KCNIP4: variants seen among roughly 807,000 people sequenced by gnomAD.
KCNIP4 encodes the protein Kv channel-interacting protein 4.
KCNIP4 carries 12 observed loss-of-function variants against 34.0 expected under a neutral mutation model. That is an observed-to-expected ratio of 0.35 (90% CI 0.23 to 0.57). KCNIP4 has a LOEUF of 0.57. Among genes scored for constraint, KCNIP4 ranks in the 20% least tolerant of loss-of-function variants. The pLI is 0.83. For synonymous variants in KCNIP4, 124 were observed against 102.2 expected (o/e 1.21, Z -1.29); for missense variants, 238 against 311.7 (o/e 0.76, Z 1.78).
chr4:21,912,968 G>T (rs1164137503), intron 1 of KCNIP4, among the ~76,000 whole-genome samples: 1 of 151,934 alleles, frequency 6.6e-6, no homozygotes, highest in Non-Finnish European at 1.5e-5. Context: ...AACTGAAGAA[G>T]ACAGGAGTGG....
chr4:20,744,405 TA>T (rs1751938113), intron 5 of KCNIP4, among the ~76,000 whole-genome samples: 1 of 151,188 alleles, frequency 6.6e-6, no homozygotes, highest in African/African-American at 2.5e-5. Context: ...GTGGCACATA[TA>T]CTGGATTAAG....
intron 1 of KCNIP4, among the ~76,000 whole-genome samples, chr4:21,131,593 G>T (rs991876555): frequency 6.6e-6 from 1 of 152,128 alleles, no homozygotes; most frequent in South Asian, 2.1e-4. Context: ...CTGGGCGACA[G>T]AAGGAGACTC....
At chr4:21,030,102 C>T (rs899195430) in intron 1 of KCNIP4, among the ~76,000 whole-genome samples, 3 of 152,172 alleles carry the variant, frequency 2.0e-5, no homozygotes, top group African/African-American at 7.2e-5. Context: ...CTGGGCTACA[C>T]AGTAAGAGGT....
chr4:21,225,042 C>T (rs1375498868), intron 1 of KCNIP4, among the ~76,000 whole-genome samples: 1 of 152,102 alleles, frequency 6.6e-6, no homozygotes, highest in Non-Finnish European at 1.5e-5. Context: ...GTGTTCTGAG[C>T]ATGTTTAAGG....
chr4:20,742,090 C>CA (rs1209553348), intron 5 of KCNIP4, among the ~76,000 whole-genome samples: 2 of 151,638 alleles, frequency 1.3e-5, no homozygotes, highest in Non-Finnish European at 2.9e-5. Context: ...GCCTGCCAAC[C>CA]AAAAAAAAGT....
At chr4:20,864,407 A>G (rs1015348809) in intron 2 of KCNIP4, among the ~76,000 whole-genome samples, 1 of 151,140 alleles carries the variant, frequency 6.6e-6, no homozygotes, top group African/African-American at 2.4e-5. Context: ...TATATATAAC[A>G]TATATATACA....
intron 1 of KCNIP4, among the ~76,000 whole-genome samples, chr4:21,523,497 C>A (rs563104834): frequency 3.0e-4 from 45 of 152,196 alleles, no homozygotes; most frequent in Non-Finnish European, 4.0e-4. Flanking sequence ...AATATTCACT[C>A]ATCTTTTTCT....
intron 1 of KCNIP4, among the ~76,000 whole-genome samples, chr4:21,185,500 T>C (rs565278350): frequency 6.6e-6 from 1 of 152,076 alleles, no homozygotes; most frequent in Admixed American, 6.6e-5. Context: ...CTTCTCCTTT[T>C]TCTCTTTTTC....
intron 1 of KCNIP4, among the ~76,000 whole-genome samples, chr4:21,630,351 G>C (rs1467347817): frequency 6.6e-6 from 1 of 151,628 alleles, no homozygotes; most frequent in Non-Finnish European, 1.5e-5. Flanking sequence ...TGTCATCCTA[G>C]CTACTGTGGA....
chr4:21,238,899 C>A (rs1331262831), intron 1 of KCNIP4, among the ~76,000 whole-genome samples: 2 of 152,102 alleles, frequency 1.3e-5, no homozygotes, highest in Non-Finnish European at 2.9e-5. Flanking sequence ...GGAACCAAAA[C>A]AGAGCCCACA....
chr4:21,731,046 CA>C (rs1715555463), intron 1 of KCNIP4, among the ~76,000 whole-genome samples: 1 of 149,174 alleles, frequency 6.7e-6, no homozygotes, highest in Non-Finnish European at 1.5e-5. Flanking sequence ...CCTAGGAAGT[CA>C]AGACTGCAGT....
chr4:21,265,956 G>T (rs1360198638), intron 1 of KCNIP4, among the ~76,000 whole-genome samples: 2 of 152,190 alleles, frequency 1.3e-5, no homozygotes, highest in South Asian at 2.1e-4. Flanking sequence ...ACAATTTCTT[G>T]AGCACTTGCT....
At chr4:21,510,654 C>T (rs899001491) in intron 1 of KCNIP4, among the ~76,000 whole-genome samples, 7 of 151,978 alleles carry the variant, frequency 4.6e-5, no homozygotes, top group Non-Finnish European at 1.0e-4. Context: ...GCCTCAGTTT[C>T]CTCATCTCTA....
intron 1 of KCNIP4, among the ~76,000 whole-genome samples, chr4:21,430,181 T>C (rs961085648): frequency 2.0e-5 from 3 of 152,168 alleles, no homozygotes; most frequent in Non-Finnish European, 4.4e-5. Flanking sequence ...ACATATCTTT[T>C]ATCTTAATGA....
intron 1 of KCNIP4, among the ~76,000 whole-genome samples, chr4:21,273,332 C>A (rs1425344): frequency 6.6e-6 from 1 of 151,914 alleles, no homozygotes; most frequent in Non-Finnish European, 1.5e-5. Context: ...ACAGTATGTT[C>A]GGAGGAGGCA....
intron 6 of KCNIP4, among the ~76,000 whole-genome samples, chr4:20,734,281 T>G (rs2149272331): frequency 6.6e-6 from 1 of 152,304 alleles, no homozygotes; most frequent in South Asian, 2.1e-4. Flanking sequence ...TCCTTATGGA[T>G]CACATGCTGT....
chr4:21,938,546 A>T (rs1730017845), intron 1 of KCNIP4, among the ~76,000 whole-genome samples: 1 of 152,168 alleles, frequency 6.6e-6, no homozygotes, highest in Non-Finnish European at 1.5e-5. Flanking sequence ...ATTATACACG[A>T]TTCTGTATTA....
chr4:21,532,405 T>C (rs1050527870), intron 1 of KCNIP4, among the ~76,000 whole-genome samples: 2 of 152,174 alleles, frequency 1.3e-5, no homozygotes, highest in African/African-American at 4.8e-5. Flanking sequence ...ATAGATACAT[T>C]TTTTATTACA....
At chr4:21,080,778 T>A (rs1429571547) in intron 1 of KCNIP4, among the ~76,000 whole-genome samples, 1 of 151,934 alleles carries the variant, frequency 6.6e-6, no homozygotes, top group Admixed American at 6.6e-5. Flanking sequence ...TTGCATATCA[T>A]AGGTGTTCAA....
Sources: allele counts gnomAD v4.1 joint callset (sites outside exome capture counted in the v4.1 genomes callset), GRCh38; gene constraint gnomAD v4.1.1; transcripts MANE v1.5; gene names NCBI Gene and HGNC (gene_info 2026-07-23, HGNC 2026-07-21).